TMC3: variants seen among roughly 807,000 people sequenced by gnomAD.
TMC3 encodes transmembrane channel like 3.
Under a neutral mutation model 110.6 loss-of-function variants are expected in TMC3, and 98 were observed. The observed-to-expected ratio is 0.89, with a 90% CI of 0.75 to 1.05. The LOEUF is 1.05. Among genes scored for constraint, TMC3 ranks in the 50% least tolerant of loss-of-function variants. The pLI is 0.00. For missense variants in TMC3, 1,319 were observed against 1,373.2 expected (o/e 0.96, Z 0.62); for synonymous variants, 489 against 513.1 (o/e 0.95, Z 0.63).
chr15:81,368,590 G>T lies in TMC3; in HGVS notation c.237-262C>A, dbSNP rs145436233. 2.0e-4 allele frequency among the ~76,000 whole-genome samples: 30 copies of T among 152,230 alleles called. No individual in the cohort carries two copies. In the East Asian group the frequency reaches 5.6e-3, roughly 28 times the overall value. On this transcript the variant is annotated intron_variant, in intron 2 of 21. Transcript: ENST00000359440. ...ATTTATACCAAAATTAGCTACAACT[G>T]AATTTCTTAAAGGCCTTCCCTGATT... is the stretch of plus-strand genomic sequence containing the variant.
chr15:81,365,691 A>T (rs4989899), intron 3 of TMC3, among the ~76,000 whole-genome samples: 20,682 of 147,222 alleles, frequency 0.14, 1,921 homozygotes, highest in South Asian at 0.39. Flanking sequence ...AAAAAGAAAA[A>T]GAAAAAAAAG....
At chr15:81,358,059 T>C in intron 7 of TMC3, 90 bp downstream of exon 7, 2 of 1,406,460 alleles carry the variant, frequency 1.4e-6, no homozygotes, top group Non-Finnish European at 9.4e-7. Context: ...AGTCATACTT[T>C]TTTAAAAGAA....
In TMC3 at chr15:81,343,349, C is replaced by T. The variant is rs544060709; in HGVS notation, c.1648-4G>A. On this transcript the variant is annotated splice_polypyrimidine_tract_variant and splice_region_variant and intron_variant, in intron 14 of 21. Transcript: ENST00000359440. ...TTTTGAATTCTCCATATTCAGGCTA[C>T]AAGAGAAAATAAACTTGTGCATTAA... 2 of 1,601,246 alleles carry T rather than the reference C, an allele frequency of 1.2e-6. No individual in the cohort carries two copies. Among genetic ancestry groups the T allele is most frequent in the East Asian group, 4.5e-5 (2 of 44,808 alleles).
At chr15:81,336,012 A>C (rs1340040954) in intron 20 of TMC3, 1 of 152,204 alleles carries the variant, frequency 6.6e-6, no homozygotes, top group Admixed American at 6.5e-5. Context: ...CATCCACGTG[A>C]ATGTGCTGCT....
chr15:81,353,138 C>CA (rs200710874), intron 9 of TMC3, among the ~76,000 whole-genome samples: 22 of 151,128 alleles, frequency 1.5e-4, no homozygotes, highest in African/African-American at 4.6e-4. Context: ...TAGTTTTTAA[C>CA]AAAAAAAGTG....
intron 9 of TMC3, among the ~76,000 whole-genome samples, chr15:81,354,399 G>T (rs1894013517): frequency 6.6e-6 from 1 of 152,212 alleles, no homozygotes; most frequent in South Asian, 2.1e-4. Context: ...TGAAATGCCT[G>T]ACAGAACTGT....
chr15:81,354,725 C>T (rs1894022165), intron 9 of TMC3, among the ~76,000 whole-genome samples: 1 of 152,148 alleles, frequency 6.6e-6, no homozygotes, highest in African/African-American at 2.4e-5. Context: ...GAAATTTCTA[C>T]CCACTGGGGA....
At chr15:81,346,515 G>T (rs1893832418) in intron 11 of TMC3, 72 bp from the exon 12 acceptor site, 1 of 1,441,450 alleles carries the variant, frequency 6.9e-7, no homozygotes, top group Non-Finnish European at 9.6e-7. Context: ...GCCCCCACAT[G>T]GTTCTAAAGA....
chr15:81,359,609 T>C, intron 4 of TMC3, 138 bp from the exon 5 acceptor site: 1 of 603,276 alleles, frequency 1.7e-6, no homozygotes, highest in Non-Finnish European at 2.9e-6. Context: ...AATCGAGGTG[T>C]TCCTTCCTAA....
intron 10 of TMC3, among the ~76,000 whole-genome samples, chr15:81,351,359 T>C (rs953602064): frequency 6.7e-6 from 1 of 149,002 alleles, no homozygotes. Flanking sequence ...TTTTTTTTTT[T>C]TTTTTTTTTT....
rs1178944811 is a variant in TMC3 at position 81,335,121 on chromosome 15, G to T, written c.2204-146C>A. 4 of 833,124 alleles carry T rather than the reference G, an allele frequency of 4.8e-6. No individual in the cohort carries two copies. In the South Asian group the frequency reaches 5.4e-5, roughly 11 times the overall value. The allele number at this position is 833,124 out of a possible 1,614,324, so 51.6% of individuals were successfully genotyped here. ...ACTTACAAATGCACCTAACCAGTGGGCAACAAACATTCTGTAATTCAAATG... is the reference window on the plus strand; with the variant it reads ...ACTTACAAATGCACCTAACCAGTGGTCAACAAACATTCTGTAATTCAAATG... On this transcript the variant is annotated intron_variant, in intron 20 of 21. Coordinates refer to ENST00000359440, the MANE Select transcript of TMC3 (RefSeq NM_001080532.3).
intron 18 of TMC3, 42 bp from the exon 19 acceptor site, chr15:81,337,966 GC>G (rs1567061221): frequency 6.8e-7 from 1 of 1,475,666 alleles, no homozygotes; most frequent in Admixed American, 1.7e-5. Context: ...ACTGCAACTC[GC>G]TTTTCTGCTT....
chr15:81,342,891 GA>G, intron 15 of TMC3: 1 of 165,372 alleles, frequency 6.0e-6, no homozygotes, highest in Non-Finnish European at 1.3e-5. Flanking sequence ...AAATTAGGAG[GA>G]AATGGAGGGA....
intron 3 of TMC3, among the ~76,000 whole-genome samples, chr15:81,367,829 C>G (rs778145413): frequency 1.3e-5 from 2 of 152,200 alleles, no homozygotes; most frequent in Admixed American, 6.5e-5. Flanking sequence ...GTATTATAGA[C>G]TGGCACTCGC....
chr15:81,343,396 A>C, intron 14 of TMC3, 51 bp from the exon 15 acceptor site: 1 of 1,266,822 alleles, frequency 7.9e-7, no homozygotes, highest in Non-Finnish European at 1.2e-6. Context: ...AGTTCTTTGC[A>C]TGAACCAATT....
intron 12 of TMC3, 46 bp downstream of exon 12, chr15:81,346,317 CAG>C (rs1567063830): frequency 1.3e-6 from 2 of 1,522,500 alleles, no homozygotes; most frequent in Admixed American, 1.7e-5. Context: ...GAGGAGGTAG[CAG>C]AGAGGGCAGA....
At chr15:81,351,386 G>A (rs28556997) in intron 10 of TMC3, among the ~76,000 whole-genome samples, 2 of 140,784 alleles carry the variant, frequency 1.4e-5, no homozygotes. Context: ...AGAGTCTCGC[G>A]CTGTTGCTCA....
intron 7 of TMC3, among the ~76,000 whole-genome samples, chr15:81,357,101 C>G (rs1894081626): frequency 6.6e-6 from 1 of 152,062 alleles, no homozygotes; most frequent in Non-Finnish European, 1.5e-5. Context: ...TAGAGCCTTT[C>G]TCCTGTAATA....
intron 11 of TMC3, among the ~76,000 whole-genome samples, chr15:81,348,727 C>T (rs1271830149): frequency 2.0e-5 from 3 of 152,146 alleles, no homozygotes; most frequent in Non-Finnish European, 4.4e-5. Context: ...TCCCTCTCAC[C>T]ACTCAGAGTT....
Sources: gnomAD v4.1 joint callset for allele counts (sites outside exome capture counted in the v4.1 genomes callset) on GRCh38, gnomAD v4.1.1 for gene constraint, MANE v1.5 for transcripts, NCBI Gene and HGNC (gene_info 2026-07-23, HGNC 2026-07-21) for gene names.